MORC1: variants seen among roughly 807,000 people sequenced by gnomAD.
MORC1 encodes the protein MORC family CW-type zinc finger 1.
Under a neutral mutation model 134.9 loss-of-function variants are expected in MORC1, and 59 were observed. The observed-to-expected ratio is 0.44, with a 90% confidence interval of 0.35 to 0.54. MORC1 has a LOEUF of 0.54. MORC1 is among the 20% of genes least tolerant of loss of function. The pLI, the probability that MORC1 is intolerant of heterozygous loss-of-function variation, is 0.00. For synonymous variants in MORC1, 395 were observed against 391.7 expected, an observed-to-expected ratio of 1.01 and a Z score of -0.10; for missense variants, 947 against 1,134.5, an observed-to-expected ratio of 0.83 and a Z score of 2.37.
chr3:108,978,169 G>A (rs554943940), intron 24 of MORC1, among the ~76,000 whole-genome samples: 8 of 152,256 alleles, frequency 5.3e-5, no homozygotes, highest in Admixed American at 2.6e-4. Flanking sequence ...GAGCCACTGC[G>A]CCCGGCCAAG....
chr3:109,063,643 C>T (rs1348788355), intron 9 of MORC1, among the ~76,000 whole-genome samples: 1 of 152,078 alleles, frequency 6.6e-6, no homozygotes, highest in Non-Finnish European at 1.5e-5. Context: ...TCTCTAACTG[C>T]GATGCTGAGA....
At chr3:109,039,157 C>G (rs1451088716) in intron 14 of MORC1, among the ~76,000 whole-genome samples, 1 of 152,168 alleles carries the variant, frequency 6.6e-6, no homozygotes, top group East Asian at 1.9e-4. Context: ...CTGAAGTGAT[C>G]CACCCGCCTC....
chr3:109,071,438 C>T (rs1950313379), intron 8 of MORC1, among the ~76,000 whole-genome samples: 1 of 152,080 alleles, frequency 6.6e-6, no homozygotes, highest in South Asian at 2.1e-4. Flanking sequence ...TCATAGCATG[C>T]ATGTTGGGGA....
In MORC1 at chr3:109,003,580, A is replaced by G. The variant is rs527888518; in HGVS notation, c.2085+1237T>C. On this transcript the variant is annotated intron_variant, in intron 20 of 27. Transcript: ENST00000232603. ...CAAATCCTAAATCTTGAAACTGCAC[A>G]GCTAATGAGTTTTTCTGGAATTCCA... Among the ~76,000 whole-genome samples the G allele has an allele frequency of 2.0e-5, 3 of 152,290 alleles. No individual in the cohort carries two copies. In the South Asian group the frequency reaches 6.2e-4, roughly 32 times the overall value.
intron 24 of MORC1, among the ~76,000 whole-genome samples, chr3:108,978,534 A>G (rs1947625070): frequency 1.3e-5 from 2 of 151,940 alleles, no homozygotes; most frequent in African/African-American, 4.8e-5. Context: ...CTTTCACCAC[A>G]CCCATGGCAT....
chr3:109,051,049 G>A (rs145245533), intron 14 of MORC1, among the ~76,000 whole-genome samples: 1 of 152,082 alleles, frequency 6.6e-6, no homozygotes, highest in Non-Finnish European at 1.5e-5. Flanking sequence ...ACTCCCCAAA[G>A]CTGATGATTA....
At chr3:109,041,841 T>A (rs1309906298) in intron 14 of MORC1, among the ~76,000 whole-genome samples, 1 of 151,596 alleles carries the variant, frequency 6.6e-6, no homozygotes, top group Non-Finnish European at 1.5e-5. Context: ...TAAGACTCTA[T>A]CTCAAAGCAT....
intron 6 of MORC1, among the ~76,000 whole-genome samples, chr3:109,095,292 T>C (rs966319257): frequency 6.6e-6 from 1 of 152,062 alleles, no homozygotes; most frequent in Admixed American, 6.6e-5. Flanking sequence ...ACAGATGGAG[T>C]GTACTTCAAC....
chr3:109,054,280 CAAA>C (rs11292790), intron 14 of MORC1, among the ~76,000 whole-genome samples: 3 of 112,656 alleles, frequency 2.7e-5, no homozygotes, highest in Non-Finnish European at 1.9e-5. Context: ...GACTCCATCT[CAAA>C]AAAAAAAAAA....
intron 23 of MORC1, 150 bp from the exon 24 acceptor site, chr3:108,979,817 T>A: frequency 1.3e-6 from 1 of 769,016 alleles, no homozygotes; most frequent in Non-Finnish European, 2.0e-6. Flanking sequence ...TGTAGTTACA[T>A]GAAACAAATT....
chr3:109,009,362 C>T (rs1305504199), intron 17 of MORC1, among the ~76,000 whole-genome samples: 24 of 152,044 alleles, frequency 1.6e-4, no homozygotes, highest in South Asian at 4.1e-4. Flanking sequence ...CATGCCACCA[C>T]GCCCAGCTAA....
intron 24 of MORC1, among the ~76,000 whole-genome samples, chr3:108,973,595 G>GTTTTTT (rs63198360): frequency 1.3e-5 from 1 of 77,908 alleles, no homozygotes; most frequent in African/African-American, 6.1e-5. Context: ...CTTTGTTTTG[G>GTTTTTT]TTTTTTTTTT....
intron 4 of MORC1, among the ~76,000 whole-genome samples, chr3:109,102,828 T>C (rs889728500): frequency 1.1e-4 from 17 of 152,106 alleles, no homozygotes; most frequent in African/African-American, 3.9e-4. Context: ...TCAGCATGGG[T>C]TTTTTCTGTT....
At chr3:109,089,576 A>G (rs1171935198) in intron 8 of MORC1, among the ~76,000 whole-genome samples, 1 of 152,148 alleles carries the variant, frequency 6.6e-6, no homozygotes, top group Admixed American at 6.5e-5. Context: ...GATAGAGGGA[A>G]AGAATTAACT....
chr3:108,995,518 G>A (rs1342707231), intron 21 of MORC1, among the ~76,000 whole-genome samples: 1 of 152,172 alleles, frequency 6.6e-6, no homozygotes, highest in Non-Finnish European at 1.5e-5. Context: ...TCATGGAAGG[G>A]GTTGGTGGTA....
At chr3:109,049,738 C>T (rs1022267512) in intron 14 of MORC1, among the ~76,000 whole-genome samples, 4 of 152,036 alleles carry the variant, frequency 2.6e-5, no homozygotes, top group African/African-American at 4.8e-5. Flanking sequence ...CACTGAGGGT[C>T]AATAATGTGT....
At chr3:108,999,195 C>A (rs1948325929) in intron 21 of MORC1, among the ~76,000 whole-genome samples, 1 of 152,060 alleles carries the variant, frequency 6.6e-6, no homozygotes, top group Admixed American at 6.5e-5. Flanking sequence ...TTACTTTTTT[C>A]ATTTAGTTGT....
intron 13 of MORC1, 113 bp downstream of exon 13, chr3:109,057,230 A>T: frequency 9.1e-7 from 1 of 1,096,056 alleles, no homozygotes. Flanking sequence ...GGGTGAACAG[A>T]GACTATGACA....
chr3:109,091,705 C>T (rs539875707), intron 8 of MORC1, among the ~76,000 whole-genome samples: 30 of 152,176 alleles, frequency 2.0e-4, no homozygotes, highest in African/African-American at 7.0e-4. Flanking sequence ...ACTATGAATC[C>T]TCTTTACAGT....
Sources: allele counts gnomAD v4.1 joint callset (sites outside exome capture counted in the v4.1 genomes callset), GRCh38; gene constraint gnomAD v4.1.1; transcripts MANE v1.5; gene names NCBI Gene and HGNC (gene_info 2026-07-23, HGNC 2026-07-21).